The following CUTC variants were observed in gnomAD, a reference collection of about 807,000 sequenced individuals.
CUTC encodes the protein cutC copper transporter.
Under a neutral mutation model 36.2 loss-of-function variants are expected in CUTC, and 27 were observed. The observed-to-expected ratio is 0.75, with a 90% CI of 0.55 to 1.03. The LOEUF (loss-of-function observed/expected upper bound fraction) is 1.03, where lower values mean the gene tolerates loss of function less well. Among genes scored for constraint, CUTC ranks in the 50% least tolerant of loss-of-function variants. The pLI is 0.00. For missense variants in CUTC, 315 were observed against 343.5 expected, an observed-to-expected ratio of 0.92 and a Z score of 0.66; for synonymous variants, 114 against 118.3, an observed-to-expected ratio of 0.96 and a Z score of 0.24.
intron 4 of CUTC, 54 bp downstream of exon 4, chr10:99,743,416 T>C (rs2037354831): frequency 6.6e-7 from 1 of 1,509,924 alleles, no homozygotes; most frequent in Non-Finnish European, 9.2e-7. Flanking sequence ...GTATTTATGC[T>C]CACAATATAG....
Position 99,732,426 on chromosome 10 carries a change from G to A in CUTC, c.61+17G>A. 1.3e-6 allele frequency: 2 copies of A among 1,549,810 alleles called. No individual in the cohort carries two copies. The highest frequency in any genetic ancestry group is 8.7e-7 in the Non-Finnish European group (1 of 1,146,888). On this transcript the variant is annotated intron_variant, in intron 1 of 8. Transcript: ENST00000370476. ...GGAAGGCCGGTGCGGAAGGTGGCGG[G>A]GGAGGGGACGGTCGGCCGAAGGCTC...
At chr10:99,739,682 T>C (rs1351085156) in intron 2 of CUTC, 28 bp from the exon 3 acceptor site, 1 of 1,602,412 alleles carries the variant, frequency 6.2e-7, no homozygotes, top group South Asian at 1.1e-5. Context: ...TTTTTAAAAA[T>C]GTGTTGAGCA....
chr10:99,755,704 A>G lies in CUTC; in HGVS notation c.787A>G (p.Thr263Ala). 6.2e-7 allele frequency: 1 copy of G among 1,613,792 alleles called. No individual in the cohort carries two copies. The highest frequency in any genetic ancestry group is 1.3e-5 in the African/African-American group (1 of 75,048). The stretch of plus-strand genomic sequence containing the variant: ...GGTAACAGATGTGACCAAAGTAAGG[A>G]CTTTGAATGCTATCGCAAAGAACAT... Reference protein sequence around the residue: ...LKVTDVTKVRTLNAIAKNILV With the variant: ...LKVTDVTKVRALNAIAKNILV Residue 263 changes from threonine (T) to alanine (A), a missense_variant, in exon 9 of 9, where the codon ACT (threonine) becomes GCT (alanine). Coordinates refer to ENST00000370476, the MANE Select transcript of CUTC (RefSeq NM_015960.3).
chr10:99,751,443 C>T (rs2037417013), intron 7 of CUTC, among the ~76,000 whole-genome samples: 1 of 152,226 alleles, frequency 6.6e-6, no homozygotes. Flanking sequence ...CCTCCTGCCT[C>T]AGCCACCCAA....
intron 2 of CUTC, 38 bp from the exon 3 acceptor site, chr10:99,739,672 T>A (rs949187746): frequency 6.3e-7 from 1 of 1,597,366 alleles, no homozygotes; most frequent in African/African-American, 1.3e-5. Context: ...AACAGCTTAT[T>A]TTTTAAAAAT....
chr10:99,743,067 A>T, intron 3 of CUTC, 86 bp from the exon 4 acceptor site: 1 of 1,293,932 alleles, frequency 7.7e-7, no homozygotes. Context: ...TACCTTTTAG[A>T]GCCATCTTTG....
At chr10:99,741,519 C>T (rs559978532) in intron 3 of CUTC, among the ~76,000 whole-genome samples, 1 of 151,984 alleles carries the variant, frequency 6.6e-6, no homozygotes, top group Non-Finnish European at 1.5e-5. Context: ...TCATTCCTTC[C>T]TTTCCTTTCT....
At chr10:99,742,198 G>A (rs2037346306) in intron 3 of CUTC, among the ~76,000 whole-genome samples, 1 of 152,018 alleles carries the variant, frequency 6.6e-6, no homozygotes, top group African/African-American at 2.4e-5. Context: ...CATATATTTT[G>A]TCTGTTTTTT....
intron 1 of CUTC, among the ~76,000 whole-genome samples, chr10:99,734,943 A>G (rs547762006): frequency 6.6e-6 from 1 of 152,088 alleles, no homozygotes; most frequent in Non-Finnish European, 1.5e-5. Context: ...TCTCTACAAA[A>G]AATACAAAAT....
At chr10:99,746,403 T>C (rs2037377938) in intron 5 of CUTC, among the ~76,000 whole-genome samples, 1 of 152,024 alleles carries the variant, frequency 6.6e-6, no homozygotes, top group Non-Finnish European at 1.5e-5. Context: ...GAAAAATAAC[T>C]ATGAGTACTA....
At chr10:99,736,949 A>G (rs755416805) in intron 2 of CUTC, among the ~76,000 whole-genome samples, 1 of 152,160 alleles carries the variant, frequency 6.6e-6, no homozygotes, top group South Asian at 2.1e-4. Flanking sequence ...GATCTTTATC[A>G]CTTATTTTAT....
chr10:99,737,946 C>T lies in CUTC; in HGVS notation c.133+1629C>T, dbSNP rs774126216. 1.2e-3 allele frequency among the ~76,000 whole-genome samples: 184 copies of T among 152,110 alleles called. 1 individual carries two copies. Among genetic ancestry groups the T allele is most frequent in the Non-Finnish European group, 1.1e-3 (77 of 67,982 alleles). ...GGCGGATCACCTGAGGTCGGGAGTT[C>T]GAGACCAGCCTCAACATGGAGAAAC... is the stretch of plus-strand genomic sequence containing the variant. On this transcript the variant is annotated intron_variant, in intron 2 of 8. Transcript: ENST00000370476.
chr10:99,735,100 TC>T (rs1385757750), intron 1 of CUTC, among the ~76,000 whole-genome samples: 1 of 22,590 alleles, frequency 4.4e-5, no homozygotes, highest in Non-Finnish European at 7.7e-5. Context: ...AGACTCTGTA[TC>T]AAAAAAAAAA....
At chr10:99,753,617 C>T (rs1029617283) in intron 7 of CUTC, among the ~76,000 whole-genome samples, 2 of 152,098 alleles carry the variant, frequency 1.3e-5, no homozygotes, top group African/African-American at 4.8e-5. Context: ...CACCATGTTG[C>T]CCAGGCTGGT....
At chr10:99,752,534 C>T (rs1040232172) in intron 7 of CUTC, among the ~76,000 whole-genome samples, 12 of 152,158 alleles carry the variant, frequency 7.9e-5, no homozygotes, top group African/African-American at 2.9e-4. Flanking sequence ...GTTAAAGAGA[C>T]TCTGAGTGTG....
chr10:99,745,865 A>C (rs972645712), intron 5 of CUTC, among the ~76,000 whole-genome samples: 3 of 152,254 alleles, frequency 2.0e-5, no homozygotes, highest in Admixed American at 6.5e-5. Flanking sequence ...TCACAAACAA[A>C]AAAAAGTAGG....
At chr10:99,752,857 TGAG>T (rs1389241541) in intron 7 of CUTC, among the ~76,000 whole-genome samples, 12 of 152,230 alleles carry the variant, frequency 7.9e-5, no homozygotes, top group African/African-American at 2.7e-4. Flanking sequence ...TAATCCTACT[TGAG>T]GAGCTCACAG....
chr10:99,743,463 C>T, intron 4 of CUTC, 101 bp downstream of exon 4: 1 of 1,026,746 alleles, frequency 9.7e-7, no homozygotes. Flanking sequence ...GCGGTCATAG[C>T]TACAGACACT....
At chr10:99,747,005 TG>T (rs1299450199) in intron 5 of CUTC, among the ~76,000 whole-genome samples, 3 of 152,106 alleles carry the variant, frequency 2.0e-5, no homozygotes, top group Non-Finnish European at 4.4e-5. Flanking sequence ...TGCGCTCAAG[TG>T]ATCTCCCCAC....
Sources: gnomAD v4.1 joint callset for allele counts (sites outside exome capture counted in the v4.1 genomes callset) on GRCh38, gnomAD v4.1.1 for gene constraint, MANE v1.5 for transcripts, NCBI Gene and HGNC (gene_info 2026-07-23, HGNC 2026-07-21) for gene names.